The following NAV3 variants were observed in gnomAD, a reference collection of about 807,000 sequenced individuals.
NAV3 encodes neuron navigator 3, also known as pore membrane and/or filament interacting like protein 1.
Under a neutral mutation model 244.7 loss-of-function variants are expected in NAV3, and 87 were observed. The ratio of observed to expected loss-of-function variants is 0.36; its 90% CI spans 0.30 to 0.42. The LOEUF (loss-of-function observed/expected upper bound fraction) is 0.42. NAV3 is among the 20% of genes least tolerant of loss of function. NAV3 has a pLI of 1.00. For synonymous variants in NAV3, 1,126 were observed against 1,042.2 expected (o/e 1.08, Z -1.55); for missense variants, 2,663 against 2,893.3 (o/e 0.92, Z 1.83).
chr12:77,981,440 A>G (rs970634201), intron 5 of NAV3, among the ~76,000 whole-genome samples: 1 of 152,080 alleles, frequency 6.6e-6, no homozygotes, highest in Admixed American at 6.6e-5. Context: ...ATATGGTTTC[A>G]TTTCTATCCC....
intron 2 of NAV3, among the ~76,000 whole-genome samples, chr12:77,633,854 C>T (rs1264209571): frequency 1.8e-4 from 27 of 151,998 alleles, no homozygotes; most frequent in Admixed American, 1.4e-3. Flanking sequence ...AAAATTGCAT[C>T]GAATTCATGT....
intron 2 of NAV3, among the ~76,000 whole-genome samples, chr12:77,723,704 C>G (rs1007782373): frequency 6.9e-6 from 1 of 144,946 alleles, no homozygotes; most frequent in African/African-American, 2.6e-5. Flanking sequence ...AGTTGATGCC[C>G]TTTCTGAGTC....
intron 2 of NAV3, among the ~76,000 whole-genome samples, chr12:77,761,457 T>C (rs1172748913): frequency 6.6e-6 from 1 of 152,176 alleles, no homozygotes; most frequent in African/African-American, 2.4e-5. Context: ...TCATGGAAAA[T>C]GTTTAAAACA....
At chr12:78,120,195 AAAC>A (rs56198070) in intron 15 of NAV3, among the ~76,000 whole-genome samples, 94,342 of 151,558 alleles carry the variant, frequency 0.62, 29,564 homozygotes, top group African/African-American at 0.66. Flanking sequence ...CTAGCAACAC[AAAC>A]AACATCTAAG....
chr12:78,107,763 T>C (rs1954879024), intron 12 of NAV3, among the ~76,000 whole-genome samples: 1 of 152,010 alleles, frequency 6.6e-6, no homozygotes, highest in South Asian at 2.1e-4. Flanking sequence ...GTCTGGAAAC[T>C]AGTAGTGAAA....
chr12:78,153,050 G>A (rs928309622), intron 22 of NAV3, among the ~76,000 whole-genome samples: 4 of 151,878 alleles, frequency 2.6e-5, no homozygotes, highest in African/African-American at 4.8e-5. Context: ...CATAGCTTAC[G>A]TGCTTTTCCT....
intron 1 of NAV3, among the ~76,000 whole-genome samples, chr12:77,869,911 A>T (rs1880679073): frequency 1.3e-5 from 2 of 152,176 alleles, no homozygotes; most frequent in South Asian, 4.1e-4. Context: ...TTAATGCATG[A>T]CGCATATGTT....
At chr12:77,843,801 C>T (rs529758179) in intron 1 of NAV3, among the ~76,000 whole-genome samples, 1 of 151,146 alleles carries the variant, frequency 6.6e-6, no homozygotes, top group East Asian at 2.0e-4. Context: ...GGCATTGCCC[C>T]AGTTTACAAC....
At chr12:78,027,213 A>G (rs1291804880) in intron 9 of NAV3, among the ~76,000 whole-genome samples, 4 of 152,032 alleles carry the variant, frequency 2.6e-5, no homozygotes, top group African/African-American at 9.7e-5. Context: ...AGGCAGGACG[A>G]CTGCCTGAAG....
At chr12:77,741,148 C>CAAAAAAAAAAAAAAAAAAAAAAAAAGAA in intron 2 of NAV3, among the ~76,000 whole-genome samples, 27 of 68,640 alleles carry the variant, frequency 3.9e-4, no homozygotes, top group Non-Finnish European at 5.9e-4. Flanking sequence ...AAAAAAAAGA[C>CAAAAAAAAAAAAAAAAAAAAAAAAAGAA]AAAAAAAAAA....
At chr12:77,576,745 A>G (rs1362814895) in intron 2 of NAV3, among the ~76,000 whole-genome samples, 1 of 152,124 alleles carries the variant, frequency 6.6e-6, no homozygotes, top group Non-Finnish European at 1.5e-5. Context: ...AGAAAATATG[A>G]GCATAAATCA....
At chr12:77,708,010 C>T (rs1352242857) in intron 2 of NAV3, among the ~76,000 whole-genome samples, 2 of 152,024 alleles carry the variant, frequency 1.3e-5, no homozygotes, top group African/African-American at 2.4e-5. Flanking sequence ...CTGTAGGTTG[C>T]CTGTTCACTC....
At chr12:77,708,377 G>A (rs1410802748) in intron 2 of NAV3, among the ~76,000 whole-genome samples, 3 of 152,124 alleles carry the variant, frequency 2.0e-5, no homozygotes, top group Admixed American at 1.3e-4. Context: ...TAGATGTGTG[G>A]TATTATTTCT....
intron 12 of NAV3, among the ~76,000 whole-genome samples, chr12:78,087,538 G>T (rs961686258): frequency 6.6e-6 from 1 of 151,964 alleles, no homozygotes; most frequent in African/African-American, 2.4e-5. Context: ...GGGATTTAAT[G>T]CTTGGTTTTA....
chr12:77,596,087 A>T (rs1870154268), intron 2 of NAV3, among the ~76,000 whole-genome samples: 1 of 152,178 alleles, frequency 6.6e-6, no homozygotes, highest in African/African-American at 2.4e-5. Flanking sequence ...GATAACTAGT[A>T]GTGACAATGA....
At chr12:78,044,559 A>C (rs533994334) in intron 9 of NAV3, among the ~76,000 whole-genome samples, 1 of 152,298 alleles carries the variant, frequency 6.6e-6, no homozygotes, top group Non-Finnish European at 1.5e-5. Flanking sequence ...CTTCCTATCC[A>C]TGAGCATGGA....
At chr12:77,653,951 A>G (rs1287303846) in intron 2 of NAV3, among the ~76,000 whole-genome samples, 1 of 152,086 alleles carries the variant, frequency 6.6e-6, no homozygotes, top group Non-Finnish European at 1.5e-5. Flanking sequence ...TGAAGTAAAG[A>G]ATATGAGATA....
chr12:77,952,267 C>T (rs1890973091), intron 3 of NAV3, among the ~76,000 whole-genome samples: 1 of 151,930 alleles, frequency 6.6e-6, no homozygotes. Context: ...TTTTATACAT[C>T]ATGTCTTTAG....
At chr12:78,066,109 C>T (rs1390957742) in intron 12 of NAV3, among the ~76,000 whole-genome samples, 2 of 152,004 alleles carry the variant, frequency 1.3e-5, no homozygotes, top group Admixed American at 6.6e-5. Context: ...CTAGCAAGTG[C>T]CCCTTAGCCT....
Sources: allele counts gnomAD v4.1 joint callset (sites outside exome capture counted in the v4.1 genomes callset), GRCh38; gene constraint gnomAD v4.1.1; transcripts MANE v1.5; gene names NCBI Gene and HGNC (gene_info 2026-07-23, HGNC 2026-07-21).